GALNT17: variants seen among roughly 807,000 people sequenced by gnomAD.
GALNT17 encodes the protein polypeptide N-acetylgalactosaminyltransferase 17.
Under a neutral mutation model 63.7 loss-of-function variants are expected in GALNT17, and 29 were observed. That is an observed-to-expected ratio of 0.46 (90% CI 0.34 to 0.62). The LOEUF is 0.62. Among genes scored for constraint, GALNT17 ranks in the 20% least tolerant of loss-of-function variants. The pLI is 0.01. For synonymous variants in GALNT17, 305 were observed against 318.3 expected, an observed-to-expected ratio of 0.96 and a Z score of 0.45; for missense variants, 603 against 799.6, an observed-to-expected ratio of 0.75 and a Z score of 2.97.
intron 6 of GALNT17, among the ~76,000 whole-genome samples, chr7:71,626,475 T>C (rs1271521481): frequency 6.6e-6 from 1 of 152,164 alleles, no homozygotes; most frequent in Non-Finnish European, 1.5e-5. Context: ...TACACACTAT[T>C]TATTATGTTC....
intron 1 of GALNT17, among the ~76,000 whole-genome samples, chr7:71,289,114 C>T (rs1454772964): frequency 6.6e-6 from 1 of 151,984 alleles, no homozygotes; most frequent in Non-Finnish European, 1.5e-5. Context: ...ACTTTTGACT[C>T]CCCCAAAACT....
In GALNT17 at chr7:71,132,760, C is replaced by T. The variant is rs199831255; in HGVS notation, c.-43C>T. The T allele has an allele frequency of 1.1e-4, 164 of 1,519,902 alleles. 1 individual carries two copies. The East Asian group carries it at 3.9e-3, about 36-fold the overall frequency. The allele number at this position is 1,519,902 out of a possible 1,614,324, so 94.2% of individuals were successfully genotyped here. A position where few individuals can be genotyped will look rare whatever the true frequency, so the allele number is the denominator to read the frequency against. ...GGCTGCCCCGCGCCTCGCCGGAGCC[C>T]GAGGGGGCGCAGGTCCGGGGCGAGG... On this transcript the variant is annotated 5_prime_UTR_variant, in exon 1 of 11. Coordinates refer to ENST00000333538, the MANE Select transcript of GALNT17 (RefSeq NM_022479.3).
intron 5 of GALNT17, among the ~76,000 whole-genome samples, chr7:71,424,653 A>C (rs1229512109): frequency 6.6e-6 from 1 of 152,236 alleles, no homozygotes; most frequent in Non-Finnish European, 1.5e-5. Flanking sequence ...GTCTTAACTT[A>C]CGGAATGCTT....
intron 6 of GALNT17, among the ~76,000 whole-genome samples, chr7:71,578,554 C>T (rs540771405): frequency 1.3e-5 from 2 of 152,222 alleles, no homozygotes; most frequent in Admixed American, 6.5e-5. Context: ...GTTGCCCAGG[C>T]TGATGTCAAA....
chr7:71,269,938 C>A (rs1002050731), intron 1 of GALNT17, among the ~76,000 whole-genome samples: 5 of 152,110 alleles, frequency 3.3e-5, no homozygotes, highest in Non-Finnish European at 7.3e-5. Flanking sequence ...TTAATACACT[C>A]TCTGAAACGC....
chr7:71,256,109 G>T (rs1790284913), intron 1 of GALNT17, among the ~76,000 whole-genome samples: 1 of 152,154 alleles, frequency 6.6e-6, no homozygotes, highest in Non-Finnish European at 1.5e-5. Flanking sequence ...TCACAACCCA[G>T]ACATTCCTTT....
chr7:71,430,988 G>A (rs1786850832), intron 5 of GALNT17, among the ~76,000 whole-genome samples: 1 of 152,042 alleles, frequency 6.6e-6, no homozygotes, highest in Non-Finnish European at 1.5e-5. Flanking sequence ...GTTCATGGGT[G>A]GTGACACAGG....
chr7:71,257,070 T>C (rs976151006), intron 1 of GALNT17, among the ~76,000 whole-genome samples: 11 of 152,184 alleles, frequency 7.2e-5, no homozygotes, highest in African/African-American at 2.7e-4. Flanking sequence ...GGGGACATTA[T>C]TTGGTTAACA....
At chr7:71,497,809 G>A (rs1172039941) in intron 5 of GALNT17, among the ~76,000 whole-genome samples, 1 of 152,222 alleles carries the variant, frequency 6.6e-6, no homozygotes, top group Non-Finnish European at 1.5e-5. Flanking sequence ...AACACCATCT[G>A]TGGGGGCTCC....
At chr7:71,642,105 G>A (rs976978811) in intron 6 of GALNT17, among the ~76,000 whole-genome samples, 1 of 152,128 alleles carries the variant, frequency 6.6e-6, no homozygotes, top group Admixed American at 6.6e-5. Context: ...GCTGTCTGCT[G>A]ATGCTCATTC....
chr7:71,488,574 C>CTTT lies in GALNT17; in HGVS notation c.962+67489_962+67491dup, dbSNP rs965444360. On this transcript the variant is annotated intron_variant, in intron 5 of 10. Coordinates refer to ENST00000333538, the MANE Select transcript of GALNT17 (RefSeq NM_022479.3). ...ACTGGGCAAGCCAGGACTTGCCCTTCTTTTTTTTTTTTTTTTTTTTTTGGA... is the reference window on the plus strand; with the variant it reads ...ACTGGGCAAGCCAGGACTTGCCCTTCTTTTTTTTTTTTTTTTTTTTTTTTTGGA... 1.8e-3 allele frequency among the ~76,000 whole-genome samples: 177 copies of CTTT among 100,552 alleles called. 1 individual carries two copies. The highest frequency in any genetic ancestry group is 6.1e-3 in the Middle Eastern group (1 of 164). 66.0% of individuals were successfully genotyped at this position (100,552 alleles called of 152,430 possible). A position where few individuals can be genotyped will look rare whatever the true frequency, so the allele number is the denominator to read the frequency against.
intron 5 of GALNT17, among the ~76,000 whole-genome samples, chr7:71,447,904 G>T (rs1468019524): frequency 6.6e-6 from 1 of 152,124 alleles, no homozygotes; most frequent in Non-Finnish European, 1.5e-5. Context: ...GGGTGCTATG[G>T]CCTCATCCAT....
At chr7:71,445,303 C>T (rs1473540054) in intron 5 of GALNT17, among the ~76,000 whole-genome samples, 6 of 151,236 alleles carry the variant, frequency 4.0e-5, no homozygotes, top group East Asian at 2.0e-4. Context: ...CTCAGCCTCT[C>T]GAGCAGCTGG....
At chr7:71,264,581 G>A (rs2115652050) in intron 1 of GALNT17, among the ~76,000 whole-genome samples, 1 of 152,268 alleles carries the variant, frequency 6.6e-6, no homozygotes, top group Non-Finnish European at 1.5e-5. Context: ...CAAACTAAGT[G>A]TCCAGCAACA....
intron 2 of GALNT17, among the ~76,000 whole-genome samples, chr7:71,361,736 CA>C (rs1252925776): frequency 2.0e-5 from 3 of 151,880 alleles, no homozygotes; most frequent in Non-Finnish European, 4.4e-5. Flanking sequence ...CTGGTGACTC[CA>C]GCACAATATG....
chr7:71,546,161 C>CTTTTTTTTTTT (rs34711093), intron 5 of GALNT17, among the ~76,000 whole-genome samples: 1 of 136,604 alleles, frequency 7.3e-6, no homozygotes, highest in Non-Finnish European at 1.6e-5. Flanking sequence ...TTGAGGGACA[C>CTTTTTTTTTTT]TTTTTTTTTT....
At chr7:71,258,198 C>T (rs1428725653) in intron 1 of GALNT17, among the ~76,000 whole-genome samples, 1 of 152,194 alleles carries the variant, frequency 6.6e-6, no homozygotes, top group Non-Finnish European at 1.5e-5. Flanking sequence ...AGGGCCAGGC[C>T]TCCCAGGGCC....
At chr7:71,475,979 ACTC>A (rs1010058318) in intron 5 of GALNT17, among the ~76,000 whole-genome samples, 19 of 148,690 alleles carry the variant, frequency 1.3e-4, no homozygotes, top group South Asian at 2.2e-4. Flanking sequence ...TGATACTACT[ACTC>A]CTCCTACTAA....
chr7:71,346,869 C>T (rs1792105682), intron 2 of GALNT17, among the ~76,000 whole-genome samples: 1 of 152,042 alleles, frequency 6.6e-6, no homozygotes, highest in Non-Finnish European at 1.5e-5. Context: ...ATTTGAGTAG[C>T]TATTGCCTGT....
Sources: gnomAD v4.1 joint callset for allele counts (sites outside exome capture counted in the v4.1 genomes callset) on GRCh38, gnomAD v4.1.1 for gene constraint, MANE v1.5 for transcripts, NCBI Gene and HGNC (gene_info 2026-07-23, HGNC 2026-07-21) for gene names.